The following PYCARD variants were observed in gnomAD, a reference collection of about 807,000 sequenced individuals.
PYCARD encodes apoptosis-associated speck-like protein containing a CARD.
A neutral mutation model predicts 10.0 loss-of-function variants in PYCARD; 10 were observed. The ratio of observed to expected loss-of-function variants is 1.00; its 90% CI spans 0.62 to 1.69. The LOEUF (loss-of-function observed/expected upper bound fraction) is 1.69. Ranked by LOEUF, PYCARD falls within the 40% of genes most tolerant of loss-of-function variation. The probability of loss-of-function intolerance (pLI) is 0.00; values close to 1 mark genes in which losing one functional copy is unlikely to be tolerated. For synonymous variants in PYCARD, 121 were observed against 122.3 expected, an observed-to-expected ratio of 0.99 and a Z score of 0.07; for missense variants, 239 against 260.2, an observed-to-expected ratio of 0.92 and a Z score of 0.56.
Position 31,202,052 on chromosome 16 carries a change from C to G in PYCARD, c.331+95G>C, listed in dbSNP as rs548072232. ...GGTGGGGTGCGCAGGGTTGCCAAGC[C>G]GTGCCTGCCCTGCCCTGCCCTGCCC... On this transcript the variant is annotated intron_variant, in intron 2 of 2. Coordinates refer to ENST00000247470, the MANE Select transcript of PYCARD (RefSeq NM_013258.5). This position sits in a 1 kb window ranked among gnomAD's most constrained non-coding sequence, Gnocchi z 4.5. 1 of 1,503,770 alleles carries G rather than the reference C, an allele frequency of 6.6e-7. No homozygotes were observed. Among genetic ancestry groups the G allele is most frequent in the East Asian group, 2.4e-5 (1 of 41,412 alleles). 93.2% of individuals were successfully genotyped at this position (1,503,770 alleles called of 1,614,324 possible). A position where few individuals can be genotyped will look rare whatever the true frequency, so the allele number is the denominator to read the frequency against.
rs2079450209 is a variant in PYCARD at position 31,202,388 on chromosome 16, C to T, written c.274+29G>A. On this transcript the variant is annotated intron_variant, in intron 1 of 2. Transcript: ENST00000247470. This position sits in a 1 kb window ranked among gnomAD's most constrained non-coding sequence, Gnocchi z 4.5. Reference sequence around the variant, plus strand: ...CGCTGGTGTGGGTGGAGGGGAAAGACGGGGTGGAGGGGAACGGGGGCGGCT... The same window carrying T: ...CGCTGGTGTGGGTGGAGGGGAAAGATGGGGTGGAGGGGAACGGGGGCGGCT... The T allele has an allele frequency of 5.2e-6, 6 of 1,152,568 alleles. No homozygotes were observed. The Admixed American group carries it at 7.2e-5, about 14-fold the overall frequency. The allele number at this position is 1,152,568 out of a possible 1,614,324, so 71.4% of individuals were successfully genotyped here. A position where few individuals can be genotyped will look rare whatever the true frequency, so the allele number is the denominator to read the frequency against.
rs762201129 is a variant in PYCARD, at chr16:31,202,737, G to A, written c.-47C>T. 2 of 1,514,558 alleles carry A rather than the reference G, an allele frequency of 1.3e-6. No individual in the cohort carries two copies. Among genetic ancestry groups the A allele is most frequent in the South Asian group, 1.3e-5 (1 of 79,220 alleles). 93.8% of individuals were successfully genotyped at this position (1,514,558 alleles called of 1,614,324 possible). On this transcript the variant is annotated 5_prime_UTR_variant, in exon 1 of 3. Coordinates refer to ENST00000247470, the MANE Select transcript of PYCARD (RefSeq NM_013258.5). This position sits in a 1 kb window ranked among gnomAD's most constrained non-coding sequence, Gnocchi z 4.5. Reference sequence around the variant, plus strand: ...TGCCGCCGCTCACCCCGCTGCAGCCGCCGACCAGGAGGAAGTCGGCTCCGG... The same window carrying A: ...TGCCGCCGCTCACCCCGCTGCAGCCACCGACCAGGAGGAAGTCGGCTCCGG...
Position 31,202,503 on chromosome 16 carries a change from G to A in PYCARD, c.188C>T (p.Thr63Ile), listed in dbSNP as rs1198242806. The change falls in exon 1 of 3, where the codon ACC (threonine) becomes ATC (isoleucine). Residue 63 changes from threonine to isoleucine, a missense_variant. Coordinates refer to ENST00000247470, the MANE Select transcript of PYCARD (RefSeq NM_013258.5). This position sits in a 1 kb window ranked among gnomAD's most constrained non-coding sequence, Gnocchi z 4.5. ...TDKLVSFYLE[T>I]YGAELTANVL... is the part of the protein sequence containing the mutation. ...GTTAGCGGTGAGCTCGGCGCCGTAG[G>A]TCTCCAGGTAGAAGCTGACCAGCTT... 6.2e-7 allele frequency: 1 copy of A among 1,607,202 alleles called. No individual in the cohort carries two copies. The highest frequency in any genetic ancestry group is 2.2e-5 in the East Asian group (1 of 44,608).
At position 31,201,663 on chromosome 16, in the gene PYCARD, G is replaced by A. The variant is rs1340633672; in HGVS notation, c.510C>T (p.Asn170=). 6.2e-7 allele frequency: 1 copy of A among 1,614,258 alleles called. No individual in the cohort carries two copies. The highest frequency in any genetic ancestry group is 1.7e-5 in the Admixed American group (1 of 60,036). ...RKLFSFTPAW[N]WTCKDLLLQA... is the part of the protein sequence containing the mutation. ...GGAGGAGCAAGTCCTTGCAGGTCCA[G>A]TTCCAGGCTGGTGTGAAACTGAAGA... Residue 170 remains asparagine (N), a synonymous_variant, in exon 3 of 3, where the codon AAC becomes AAT. Transcript: ENST00000247470.
At position 31,202,206 on chromosome 16, in the gene PYCARD, G is replaced by A; in HGVS notation, c.275-3C>T. On this transcript the variant is annotated splice_polypyrimidine_tract_variant and splice_region_variant and intron_variant, in intron 1 of 2. Transcript: ENST00000247470. The surrounding 1 kb of genome is among the most constrained non-coding windows in gnomAD (Gnocchi z 4.5). Reference sequence around the variant, plus strand: ...CCCAGCTGGCGCGGCTCCAGAGCCTGGAAGGATATGGGCCAAGTGATCCCC... The same window carrying A: ...CCCAGCTGGCGCGGCTCCAGAGCCTAGAAGGATATGGGCCAAGTGATCCCC... The A allele has an allele frequency of 1.2e-6, 2 of 1,603,282 alleles. No homozygotes were observed. The highest frequency in any genetic ancestry group is 1.7e-6 in the Non-Finnish European group (2 of 1,179,750).
In PYCARD at chr16:31,202,023, G is replaced by A. The variant is rs777009743; in HGVS notation, c.331+124C>T. 1.4e-6 allele frequency: 2 copies of A among 1,453,914 alleles called. No individual in the cohort carries two copies. Among genetic ancestry groups the A allele is most frequent in the Non-Finnish European group, 9.2e-7 (1 of 1,089,158 alleles). 90.1% of individuals were successfully genotyped at this position (1,453,914 alleles called of 1,614,324 possible). ...TCCCTTCCCCCGCAGGGTGTGGGTT[G>A]GTGGGTGGGGTGCGCAGGGTTGCCA... On this transcript the variant is annotated intron_variant, in intron 2 of 2. Coordinates refer to ENST00000247470, the MANE Select transcript of PYCARD (RefSeq NM_013258.5). The surrounding 1 kb of genome is among the most constrained non-coding windows in gnomAD (Gnocchi z 4.5).
At position 31,201,563 on chromosome 16, in the gene PYCARD, G is replaced by A. The variant is rs371748882; in HGVS notation, c.*22C>T. 59 of 1,605,570 alleles carry A rather than the reference G, an allele frequency of 3.7e-5. No individual in the cohort carries two copies. The highest frequency in any genetic ancestry group is 4.7e-5 in the Non-Finnish European group (55 of 1,173,940). ...TTGGTGGGATTGCCAGGGGCTGACC[G>A]GAGTGTTGCTGGGAAGGAGCCTCAG... On this transcript the variant is annotated 3_prime_UTR_variant, in exon 3 of 3. Coordinates refer to ENST00000247470, the MANE Select transcript of PYCARD (RefSeq NM_013258.5).
In PYCARD at chr16:31,202,518, C is replaced by T. The variant is rs151270083; in HGVS notation, c.173G>A (p.Ser58Asn). 153 of 1,610,460 alleles carry T rather than the reference C, an allele frequency of 9.5e-5. No individual in the cohort carries two copies. Among genetic ancestry groups the T allele is most frequent in the African/African-American group, 5.6e-4 (42 of 74,886 alleles). ...GGCGCCGTAGGTCTCCAGGTAGAAG[C>T]TGACCAGCTTGTCGGTGAGGTCCAA... ...DALDLTDKLVSFYLETYGAEL... is the reference protein window; with the variant it reads ...DALDLTDKLVNFYLETYGAEL... Residue 58 changes from serine to asparagine, a missense_variant, in exon 1 of 3, where the codon AGC becomes AAC. By Grantham distance (46) the Ser-to-Asn change is conservative. Transcript: ENST00000247470. The surrounding 1 kb of genome is among the most constrained non-coding windows in gnomAD (Gnocchi z 4.5).
At position 31,202,648 on chromosome 16, in the gene PYCARD, G is replaced by A. The variant is rs762099606; in HGVS notation, c.43C>T (p.Leu15=). ...RDAILDALEN[L]TAEELKKFKL... Reference sequence around the variant, plus strand: ...AACTTCTTGAGCTCCTCGGCGGTCAGGTTCTCCAGCGCATCCAGGATGGCG... The same window carrying A: ...AACTTCTTGAGCTCCTCGGCGGTCAAGTTCTCCAGCGCATCCAGGATGGCG... The change falls in exon 1 of 3, where the codon CTG becomes TTG. Residue 15 remains leucine (L), a synonymous_variant. Transcript: ENST00000247470. This position sits in a 1 kb window ranked among gnomAD's most constrained non-coding sequence, Gnocchi z 4.5. 6.2e-7 allele frequency: 1 copy of A among 1,606,046 alleles called. No homozygotes were observed. The highest frequency in any genetic ancestry group is 1.7e-5 in the Admixed American group (1 of 59,782).
At position 31,202,424 on chromosome 16, in the gene PYCARD, C is replaced by T. The variant is rs2079450626; in HGVS notation, c.267G>A (p.Thr89=). 2.0e-6 allele frequency: 3 copies of T among 1,538,392 alleles called. No individual in the cohort carries two copies. The African/African-American group carries it at 4.1e-5, about 21-fold the overall frequency. ...QEMAGQLQAA[T]HQGSGAAPAG... is the part of the protein sequence containing the mutation. ...GGAACGGGGGCGGCTCACCCTGGTGCGTGGCCGCCTGCAGCTGCCCGGCCA... is the reference window on the plus strand; with the variant it reads ...GGAACGGGGGCGGCTCACCCTGGTGTGTGGCCGCCTGCAGCTGCCCGGCCA... The change falls in exon 1 of 3, where the codon ACG becomes ACA. Residue 89 remains threonine (T), a synonymous_variant. Coordinates refer to ENST00000247470, the MANE Select transcript of PYCARD (RefSeq NM_013258.5). The surrounding 1 kb of genome is among the most constrained non-coding windows in gnomAD (Gnocchi z 4.5).
Position 31,202,236 on chromosome 16 carries a change from C to A in PYCARD, c.275-33G>T. On this transcript the variant is annotated intron_variant, in intron 1 of 2. Coordinates refer to ENST00000247470, the MANE Select transcript of PYCARD (RefSeq NM_013258.5). This position sits in a 1 kb window ranked among gnomAD's most constrained non-coding sequence, Gnocchi z 4.5. ...GATATGGGCCAAGTGATCCCCTTCC[C>A]TTCCCTTCCCGCCGTGGGGCCGGGG... 6.3e-7 allele frequency: 1 copy of A among 1,596,320 alleles called. No homozygotes were observed. Among genetic ancestry groups the A allele is most frequent in the East Asian group, 2.2e-5 (1 of 44,590 alleles).
In PYCARD at chr16:31,201,829, A is replaced by G. The variant is rs751209113; in HGVS notation, c.344T>C (p.Ile115Thr). ...GATAAGCGCAGCCCGGTGCTGGTCT[A>G]TAAAGTGCAGGCCTGGGGGTGGGAG... is the stretch of plus-strand genomic sequence containing the variant. ...QSAAKPGLHFIDQHRAALIAR... is the reference protein window; with the variant it reads ...QSAAKPGLHFTDQHRAALIAR... Residue 115 changes from isoleucine (I) to threonine (T), a missense_variant, in exon 3 of 3, where the codon ATA becomes ACA. By Grantham distance (89) the Ile-to-Thr change is moderately conservative (BLOSUM62 -1). Coordinates refer to ENST00000247470, the MANE Select transcript of PYCARD (RefSeq NM_013258.5). 2.5e-6 allele frequency: 4 copies of G among 1,613,936 alleles called. No individual in the cohort carries two copies. The highest frequency in any genetic ancestry group is 3.3e-4 in the Middle Eastern group (2 of 6,078).
chr16:31,201,904 G>C (rs1490516317), intron 2 of PYCARD, 63 bp from the exon 3 acceptor site: 9 of 1,592,830 alleles, frequency 5.7e-6, no homozygotes, highest in South Asian at 2.2e-5. Flanking sequence ...TGCTGAACTT[G>C]AGTTCTTCAG....
At position 31,202,094 on chromosome 16, in the gene PYCARD, G is replaced by A. The variant is rs2079447432; in HGVS notation, c.331+53C>T. On this transcript the variant is annotated intron_variant, in intron 2 of 2. Coordinates refer to ENST00000247470, the MANE Select transcript of PYCARD (RefSeq NM_013258.5). The surrounding 1 kb of genome is among the most constrained non-coding windows in gnomAD (Gnocchi z 4.5). ...GCCCTGCCCTGGTTGCGGGAGCACA[G>A]ATGCAGGCTGTGCAGGAGTGCGGTG... 1 of 1,581,718 alleles carries A rather than the reference G, an allele frequency of 6.3e-7. No individual in the cohort carries two copies. Among genetic ancestry groups the A allele is most frequent in the Admixed American group, 1.7e-5 (1 of 57,552 alleles).
chr16:31,201,514 TAAA>T lies in PYCARD; in HGVS notation c.*68_*70del. On this transcript the variant is annotated 3_prime_UTR_variant, in exon 3 of 3. Transcript: ENST00000247470. ...AAGCTGGCTTTTCGTATATTGTGTATAAAAAGATCAGATTCAGGATGATTTGGT... is the reference window on the plus strand; with the variant it reads ...AAGCTGGCTTTTCGTATATTGTGTATAAGATCAGATTCAGGATGATTTGGT... 6.4e-7 allele frequency: 1 copy of T among 1,563,292 alleles called. No individual in the cohort carries two copies. Among genetic ancestry groups the T allele is most frequent in the Non-Finnish European group, 8.7e-7 (1 of 1,154,632 alleles).
At position 31,201,619 on chromosome 16, in the gene PYCARD, T is replaced by C; in HGVS notation, c.554A>G (p.Gln185Arg). ...DLLLQALRES[Q>R]SYLVEDLERS ...CTCCAGGTCCTCCACCAGGTAGGAC[T>C]GGGACTCCCTTAGGGCCTGGAGGAG... The change falls in exon 3 of 3, where the codon CAG becomes CGG. Residue 185 changes from glutamine to arginine, a missense_variant. By Grantham distance (43) the Gln-to-Arg change is conservative. Transcript: ENST00000247470. 1.2e-6 allele frequency: 2 copies of C among 1,614,138 alleles called. No individual in the cohort carries two copies. Among genetic ancestry groups the C allele is most frequent in the Non-Finnish European group, 1.7e-6 (2 of 1,179,994 alleles).
Position 31,201,714 on chromosome 16 carries a change from G to A in PYCARD, c.459C>T (p.Pro153=), listed in dbSNP as rs1213657488. ...GCTTCCGCATCTTGCTTGGGTTGGT[G>A]GGCTCGGCCCGCACTGCCTGGTACT... ...DEQYQAVRAE[P]TNPSKMRKLF... The change falls in exon 3 of 3, where the codon CCC becomes CCT. Residue 153 remains proline (P), a synonymous_variant. Transcript: ENST00000247470. 1 of 1,614,212 alleles carries A rather than the reference G, an allele frequency of 6.2e-7. No individual in the cohort carries two copies. The highest frequency in any genetic ancestry group is 1.7e-5 in the Admixed American group (1 of 60,030).
chr16:31,202,430 C>A lies in PYCARD; in HGVS notation c.261G>T (p.Ala87=), dbSNP rs1280607753. The A allele has an allele frequency of 6.5e-7, 1 of 1,541,416 alleles. No homozygotes were observed. Among genetic ancestry groups the A allele is most frequent in the Non-Finnish European group, 8.7e-7 (1 of 1,143,348 alleles). ...GLQEMAGQLQ[A]ATHQGSGAAP... ...GGGGCGGCTCACCCTGGTGCGTGGC[C>A]GCCTGCAGCTGCCCGGCCATCTCCT... The change falls in exon 1 of 3, where the codon GCG becomes GCT. Residue 87 remains alanine, a synonymous_variant. Transcript: ENST00000247470. The surrounding 1 kb of genome is among the most constrained non-coding windows in gnomAD (Gnocchi z 4.5).
rs200371118 is a variant in PYCARD at position 31,201,742 on chromosome 16, T to G, written c.431A>C (p.Glu144Ala). 2 of 1,614,210 alleles carry G rather than the reference T, an allele frequency of 1.2e-6. No individual in the cohort carries two copies. Among genetic ancestry groups the G allele is most frequent in the Admixed American group, 3.3e-5 (2 of 60,026 alleles). Residue 144 changes from glutamate to alanine, a missense_variant, in exon 3 of 3, where the codon GAG becomes GCG. Coordinates refer to ENST00000247470, the MANE Select transcript of PYCARD (RefSeq NM_013258.5). Reference protein sequence around the residue: ...DALYGKVLTDEQYQAVRAEPT... With the variant: ...DALYGKVLTDAQYQAVRAEPT... Reference sequence around the variant, plus strand: ...CTCGGCCCGCACTGCCTGGTACTGCTCATCCGTCAGGACCTTCCCGTACAG... The same window carrying G: ...CTCGGCCCGCACTGCCTGGTACTGCGCATCCGTCAGGACCTTCCCGTACAG...
Sources: gnomAD v4.1 joint callset for allele counts on GRCh38, gnomAD v4.1.1 for gene constraint, Gnocchi (gnomAD v3.1) non-coding constraint, MANE v1.5 for transcripts, NCBI Gene and HGNC (gene_info 2026-07-23, HGNC 2026-07-21) for gene names.